The following SMG6 variants were observed in gnomAD, a reference collection of about 807,000 sequenced individuals.
SMG6 encodes SMG6 nonsense mediated mRNA decay factor.
A neutral mutation model predicts 142.2 loss-of-function variants in SMG6; 66 were observed. The observed-to-expected ratio is 0.46, with a 90% CI of 0.38 to 0.57. The LOEUF (loss-of-function observed/expected upper bound fraction) is 0.57, where lower values mean the gene tolerates loss of function less well. Among genes scored for constraint, SMG6 ranks in the 20% least tolerant of loss-of-function variants. The pLI is 0.00. For synonymous variants in SMG6, 779 were observed against 702.4 expected (o/e 1.11, Z -1.72); for missense variants, 1,793 against 1,832.0 (o/e 0.98, Z 0.39).
chr17:2,258,021 A>G (rs2074224936), intron 8 of SMG6, among the ~76,000 whole-genome samples: 1 of 83,320 alleles, frequency 1.2e-5, no homozygotes, highest in Non-Finnish European at 2.8e-5. Flanking sequence ...AAAAAAAAAA[A>G]AAAAAAAAAA....
intron 10 of SMG6, among the ~76,000 whole-genome samples, chr17:2,206,413 AAAATAAAT>A (rs759621983): frequency 6.6e-6 from 1 of 151,734 alleles, no homozygotes; most frequent in Non-Finnish European, 1.5e-5. Context: ...CTCTACAAAA[AAAATAAAT>A]AAATAAAATT....
At chr17:2,163,787 C>G (rs957641752) in intron 13 of SMG6, among the ~76,000 whole-genome samples, 3 of 151,610 alleles carry the variant, frequency 2.0e-5, no homozygotes, top group African/African-American at 7.3e-5. Context: ...GTTTCTTGAG[C>G]TGCTTGCTTG....
chr17:2,258,662 G>C (rs1390873290), intron 8 of SMG6, among the ~76,000 whole-genome samples: 1 of 151,858 alleles, frequency 6.6e-6, no homozygotes, highest in Non-Finnish European at 1.5e-5. Context: ...AGCTGGGCGT[G>C]GTGGTGCAGC....
intron 8 of SMG6, among the ~76,000 whole-genome samples, chr17:2,271,449 C>T (rs1193856498): frequency 6.6e-6 from 1 of 151,544 alleles, no homozygotes; most frequent in African/African-American, 2.4e-5. Flanking sequence ...CATGGTGGCT[C>T]ATGCCTGTAA....
At chr17:2,063,212 A>AT (rs1434591722) in intron 18 of SMG6, 5 of 152,294 alleles carry the variant, frequency 3.3e-5, no homozygotes, top group East Asian at 1.9e-4. Flanking sequence ...ATACTTTGAC[A>AT]TTTTTCACAA....
At chr17:2,087,461 C>T in intron 13 of SMG6, 1 of 1,104,574 alleles carries the variant, frequency 9.1e-7, no homozygotes, top group Non-Finnish European at 1.1e-6. Context: ...TCTGCTTTCT[C>T]TCACCATTGG....
chr17:2,271,877 A>G (rs1567735829), intron 8 of SMG6, among the ~76,000 whole-genome samples: 1 of 152,200 alleles, frequency 6.6e-6, no homozygotes, highest in Non-Finnish European at 1.5e-5. Flanking sequence ...GCATTGTCTA[A>G]AAGAATAGCC....
intron 13 of SMG6, among the ~76,000 whole-genome samples, chr17:2,169,371 G>C (rs1377090409): frequency 1.3e-5 from 2 of 151,788 alleles, no homozygotes; most frequent in East Asian, 1.9e-4. Context: ...AGAACTTAAC[G>C]AAATACTGTA....
At chr17:2,182,287 C>G (rs889138681) in intron 12 of SMG6, among the ~76,000 whole-genome samples, 3 of 152,138 alleles carry the variant, frequency 2.0e-5, no homozygotes, top group Non-Finnish European at 2.9e-5. Flanking sequence ...AACAGCTGTC[C>G]CCTGGCCAGC....
chr17:2,067,827 A>C (rs1460709398), intron 16 of SMG6, among the ~76,000 whole-genome samples: 3 of 152,126 alleles, frequency 2.0e-5, no homozygotes, highest in African/African-American at 7.2e-5. Flanking sequence ...TCTGGCACTA[A>C]GACACTTGGG....
intron 10 of SMG6, among the ~76,000 whole-genome samples, chr17:2,190,164 G>A (rs555536809): frequency 2.0e-5 from 3 of 152,240 alleles, no homozygotes; most frequent in South Asian, 2.1e-4. Context: ...TGTCAGTACC[G>A]CCCAGCTCAG....
Position 2,166,501 on chromosome 17 carries a change from G to A in SMG6, c.3357+6157C>T, listed in dbSNP as rs564879604. 3.3e-5 allele frequency among the ~76,000 whole-genome samples: 5 copies of A among 152,124 alleles called. No homozygotes were observed. The South Asian group carries it at 1.0e-3, about 32-fold the overall frequency. On this transcript the variant is annotated intron_variant, in intron 13 of 18. Transcript: ENST00000263073. ...AAGACAAGGTCTTGCTCTGTCCCTC[G>A]GGCTGGAGTATGGTGGCACAATCAC...
chr17:2,236,699 TCTCACACACACACA>T (rs1446479953), intron 9 of SMG6, 62 bp from the exon 10 acceptor site: 100 of 1,460,808 alleles, frequency 6.8e-5, no homozygotes, highest in South Asian at 2.1e-4. Flanking sequence ...TCTCACTCTG[TCTCACACACACACA>T]CACACACACA....
rs1213917644 is a variant in SMG6 at position 2,299,809 on chromosome 17, A to G, written c.944T>C (p.Leu315Ser). 1.2e-6 allele frequency: 2 copies of G among 1,614,198 alleles called. No homozygotes were observed. Among genetic ancestry groups the G allele is most frequent in the Non-Finnish European group, 8.5e-7 (1 of 1,180,030 alleles). ...CCTTTCTGAACTTCTCCTGGGTCCTAATCCATCAGGCTCATCAATTCTGTC... is the reference window on the plus strand; with the variant it reads ...CCTTTCTGAACTTCTCCTGGGTCCTGATCCATCAGGCTCATCAATTCTGTC... ...DEDRIDEPDGLGPRRSSERKR... is the reference protein window; with the variant it reads ...DEDRIDEPDGSGPRRSSERKR... The change falls in exon 2 of 19, where the codon TTA (leucine) becomes TCA (serine). Residue 315 changes from leucine (L) to serine (S), a missense_variant. By Grantham distance (145) the Leu-to-Ser change is moderately radical (BLOSUM62 -2). Around this residue, in one of 3 missense-constraint regions of SMG6, gnomAD observed 1,597 missense variants for 1,584.6 expected, o/e 1.01. Coordinates refer to ENST00000263073, the MANE Select transcript of SMG6 (RefSeq NM_017575.5). The surrounding 1 kb of genome is among the most constrained non-coding windows in gnomAD (Gnocchi z 4.3).
Position 2,061,469 on chromosome 17 carries a change from G to GA in SMG6, c.*22_*23insT, listed in dbSNP as rs199666681. ...GGCCTTTCAGGAACGGTTCCACGGG[G>GA]GGGGGGCCCCAGTGTGGCTCCCTCA... On this transcript the variant is annotated 3_prime_UTR_variant, in exon 19 of 19. Coordinates refer to ENST00000263073, the MANE Select transcript of SMG6 (RefSeq NM_017575.5). 1.9e-6 allele frequency: 3 copies of GA among 1,566,852 alleles called. No individual in the cohort carries two copies. The highest frequency in any genetic ancestry group is 4.7e-5 in the East Asian group (2 of 42,672).
chr17:2,303,111 T>A (rs2075321474), intron 1 of SMG6: 1 of 985,420 alleles, frequency 1.0e-6, no homozygotes, highest in African/African-American at 1.7e-5. Flanking sequence ...ACCCGAGTAG[T>A]CTGAGGTCCC....
At chr17:2,193,176 G>A (rs555134487) in intron 10 of SMG6, among the ~76,000 whole-genome samples, 1 of 152,206 alleles carries the variant, frequency 6.6e-6, no homozygotes, top group Non-Finnish European at 1.5e-5. Flanking sequence ...CTTGGGTGCT[G>A]TCTATGTGGT....
intron 10 of SMG6, among the ~76,000 whole-genome samples, chr17:2,207,704 T>C (rs1260597470): frequency 6.6e-6 from 1 of 152,198 alleles, no homozygotes; most frequent in Non-Finnish European, 1.5e-5. Context: ...ATTTTTGGAA[T>C]ATTTCTACAA....
chr17:2,290,685 A>C (rs1479383418), intron 6 of SMG6, among the ~76,000 whole-genome samples: 1 of 152,246 alleles, frequency 6.6e-6, no homozygotes, highest in Non-Finnish European at 1.5e-5. Context: ...GTCTGGAAGA[A>C]AATAGATGCA....
Sources: allele counts gnomAD v4.1 joint callset (sites outside exome capture counted in the v4.1 genomes callset), GRCh38; gene constraint gnomAD v4.1.1; regional missense constraint gnomAD v4.1.1; non-coding constraint Gnocchi (gnomAD v3.1); transcripts MANE v1.5; gene names NCBI Gene and HGNC (gene_info 2026-07-23, HGNC 2026-07-21).